The following MACROD2 variants were observed in gnomAD, a reference collection of about 807,000 sequenced individuals.
MACROD2 encodes mono-ADP ribosylhydrolase 2.
MACROD2 carries 36 observed loss-of-function variants against 70.4 expected under a neutral mutation model. The observed-to-expected ratio is 0.51, with a 90% CI of 0.39 to 0.68. MACROD2 has a LOEUF of 0.68. Among genes scored for constraint, MACROD2 ranks in the 30% least tolerant of loss-of-function variants. The pLI, the probability that MACROD2 is intolerant of heterozygous loss-of-function variation, is 0.00. For missense variants in MACROD2, 496 were observed against 538.4 expected, an observed-to-expected ratio of 0.92 and a Z score of 0.78; for synonymous variants, 172 against 178.8, an observed-to-expected ratio of 0.96 and a Z score of 0.30.
At chr20:15,393,571 C>T (rs1240035272) in intron 6 of MACROD2, among the ~76,000 whole-genome samples, 3 of 152,126 alleles carry the variant, frequency 2.0e-5, no homozygotes, top group Non-Finnish European at 4.4e-5. Flanking sequence ...ACTGTTGAGG[C>T]TTTTTTCTTT....
intron 4 of MACROD2, among the ~76,000 whole-genome samples, chr20:14,520,985 A>G (rs929216168): frequency 6.6e-6 from 1 of 151,470 alleles, no homozygotes; most frequent in South Asian, 2.1e-4. Flanking sequence ...GCACACACAC[A>G]CCCCCCAAAT....
rs189094103 is a variant in MACROD2, at chr20:15,367,315, C to T, written c.541-64090C>T. Among the ~76,000 whole-genome samples, 339 of 152,214 alleles carry T rather than the reference C, an allele frequency of 2.2e-3. 1 individual carries two copies. Among genetic ancestry groups the T allele is most frequent in the African/African-American group, 7.7e-3 (318 of 41,548 alleles). ...TGCTGGGATTACAGGCGTGAGCCAC[C>T]GTGCCCGGCCCCAAAAATTACTGAT... is the stretch of plus-strand genomic sequence containing the variant. On this transcript the variant is annotated intron_variant, in intron 6 of 17. Coordinates refer to ENST00000684519, the MANE Select transcript of MACROD2 (RefSeq NM_001351661.2).
chr20:15,533,745 G>A lies in MACROD2; in HGVS notation c.645+33898G>A, dbSNP rs1294817904. On this transcript the variant is annotated intron_variant, in intron 8 of 17. Coordinates refer to ENST00000684519, the MANE Select transcript of MACROD2 (RefSeq NM_001351661.2). The stretch of plus-strand genomic sequence containing the variant: ...AGCCCCAGAATTCCTGCTATAAAAG[G>A]ATTGAAAGTGATAGTGTGGTCCTGG... 2.0e-5 allele frequency among the ~76,000 whole-genome samples: 3 copies of A among 152,198 alleles called. No homozygotes were observed. In the East Asian group the frequency reaches 5.8e-4, roughly 29 times the overall value.
chr20:14,609,505 T>TGTG, intron 4 of MACROD2, among the ~76,000 whole-genome samples: 1 of 152,226 alleles, frequency 6.6e-6, no homozygotes, highest in East Asian at 1.9e-4. Context: ...CTTAGTGCTT[T>TGTG]GTGGTGACTC....
chr20:14,636,820 C>T (rs1473381258), intron 4 of MACROD2, among the ~76,000 whole-genome samples: 1 of 152,052 alleles, frequency 6.6e-6, no homozygotes, highest in Non-Finnish European at 1.5e-5. Context: ...AATAAAATAG[C>T]TCCTGCTCTA....
At chr20:14,159,129 T>C (rs889019062) in intron 3 of MACROD2, among the ~76,000 whole-genome samples, 1 of 152,006 alleles carries the variant, frequency 6.6e-6, no homozygotes, top group Non-Finnish European at 1.5e-5. Context: ...TCCCAGCTAC[T>C]TGGGAGGTTG....
At chr20:15,149,070 C>T (rs1456910596) in intron 5 of MACROD2, among the ~76,000 whole-genome samples, 1 of 151,896 alleles carries the variant, frequency 6.6e-6, no homozygotes, top group Admixed American at 6.6e-5. Flanking sequence ...AAAGTGTCTA[C>T]CTAGACTAAG....
At chr20:15,382,052 A>G (rs1460561555) in intron 6 of MACROD2, among the ~76,000 whole-genome samples, 3 of 152,192 alleles carry the variant, frequency 2.0e-5, no homozygotes, top group Non-Finnish European at 4.4e-5. Flanking sequence ...TGAACCGCTG[A>G]AAGAGGAGAG....
intron 12 of MACROD2, among the ~76,000 whole-genome samples, chr20:15,946,856 T>A (rs2065830584): frequency 6.6e-6 from 1 of 152,134 alleles, no homozygotes; most frequent in Non-Finnish European, 1.5e-5. Context: ...AATTACTATT[T>A]CCACCATCTC....
At chr20:15,751,878 G>A (rs960891227) in intron 8 of MACROD2, among the ~76,000 whole-genome samples, 1 of 146,406 alleles carries the variant, frequency 6.8e-6, no homozygotes, top group African/African-American at 2.5e-5. Context: ...TATGTCAGAG[G>A]TTTTTTTTTT....
chr20:14,151,487 C>T (rs1253958138), intron 3 of MACROD2, among the ~76,000 whole-genome samples: 1 of 152,018 alleles, frequency 6.6e-6, no homozygotes, highest in Non-Finnish European at 1.5e-5. Flanking sequence ...GTTAGCCAGG[C>T]AAATAGAGAA....
intron 5 of MACROD2, among the ~76,000 whole-genome samples, chr20:15,006,158 T>G (rs1445672544): frequency 6.6e-6 from 1 of 150,852 alleles, no homozygotes; most frequent in African/African-American, 2.4e-5. Context: ...TGTGTGTGTG[T>G]GTGTGTGTGT....
At chr20:14,320,903 T>C (rs2082653845) in intron 3 of MACROD2, among the ~76,000 whole-genome samples, 1 of 152,202 alleles carries the variant, frequency 6.6e-6, no homozygotes, top group South Asian at 2.1e-4. Flanking sequence ...AAATTCCTTC[T>C]TACCCTTCAA....
At chr20:14,954,959 A>ATAT in intron 5 of MACROD2, among the ~76,000 whole-genome samples, 4 of 105,364 alleles carry the variant, frequency 3.8e-5, no homozygotes, top group Admixed American at 1.2e-4. Context: ...TATTATATAT[A>ATAT]ATTTATATTT....
At chr20:15,925,262 A>G (rs2065471602) in intron 10 of MACROD2, among the ~76,000 whole-genome samples, 2 of 152,220 alleles carry the variant, frequency 1.3e-5, no homozygotes, top group African/African-American at 2.4e-5. Context: ...AGTTACTTTT[A>G]AAAAACAGCC....
Position 15,112,950 on chromosome 20 carries a change from C to CTGTGTGTGTGTG in MACROD2, c.419-116970_419-116959dup, listed in dbSNP as rs11467446. Among the ~76,000 whole-genome samples the CTGTGTGTGTGTG allele has an allele frequency of 7.2e-3, 1,049 of 146,078 alleles. 9 individuals are homozygous for CTGTGTGTGTGTG. The highest frequency in any genetic ancestry group is 0.011 in the Non-Finnish European group (707 of 65,822). On this transcript the variant is annotated intron_variant, in intron 5 of 17. Coordinates refer to ENST00000684519, the MANE Select transcript of MACROD2 (RefSeq NM_001351661.2). ...TTTTTCCAGGCTGGATAATATTTCACTGTGTGTGTGTGTGTGTGTGTGTGT... is the reference window on the plus strand; with the variant it reads ...TTTTTCCAGGCTGGATAATATTTCACTGTGTGTGTGTGTGTGTGTGTGTGTGTGTGTGTGTGT...
intron 5 of MACROD2, among the ~76,000 whole-genome samples, chr20:15,215,681 A>G (rs2076804362): frequency 6.6e-6 from 1 of 152,118 alleles, no homozygotes; most frequent in African/African-American, 2.4e-5. Flanking sequence ...CCTAGGCAAC[A>G]AACATATTTA....
At chr20:14,826,133 G>C (rs1238984927) in intron 5 of MACROD2, among the ~76,000 whole-genome samples, 1 of 151,716 alleles carries the variant, frequency 6.6e-6, no homozygotes, top group African/African-American at 2.4e-5. Flanking sequence ...CTTGATAGAA[G>C]GAGAAATTCA....
intron 8 of MACROD2, among the ~76,000 whole-genome samples, chr20:15,556,349 A>C (rs2048168858): frequency 6.6e-6 from 1 of 152,158 alleles, no homozygotes; most frequent in Non-Finnish European, 1.5e-5. Context: ...TTACTTAAAG[A>C]ATCATGGATC....
Sources: gnomAD v4.1 joint callset for allele counts (sites outside exome capture counted in the v4.1 genomes callset) on GRCh38, gnomAD v4.1.1 for gene constraint, MANE v1.5 for transcripts, NCBI Gene and HGNC (gene_info 2026-07-23, HGNC 2026-07-21) for gene names.